Variants in ATP7B observed in about 807,000 individuals in gnomAD.
ATP7B encodes ATPase copper transporting beta.
A neutral mutation model predicts 118.9 loss-of-function variants in ATP7B; 113 were observed. The observed-to-expected ratio is 0.95, with a 90% CI of 0.82 to 1.11. The LOEUF (loss-of-function observed/expected upper bound fraction) is 1.11. Among genes scored for constraint, ATP7B ranks in the 50% most tolerant of loss-of-function variants. The pLI, the probability that ATP7B is intolerant of heterozygous loss-of-function variation, is 0.00. For synonymous variants in ATP7B, 777 were observed against 727.4 expected, an observed-to-expected ratio of 1.07 and a Z score of -1.10; for missense variants, 1,867 against 1,871.4, an observed-to-expected ratio of 1.00 and a Z score of 0.04.
At position 51,975,155 on chromosome 13, in the gene ATP7B, A is replaced by C; in HGVS notation, c.65T>G (p.Leu22Arg). The C allele has an allele frequency of 6.2e-7, 1 of 1,614,224 alleles. No homozygotes were observed. Among genetic ancestry groups the C allele is most frequent in the Non-Finnish European group, 8.5e-7 (1 of 1,180,006 alleles). The change falls in exon 2 of 21, where the codon CTT (leucine) becomes CGT (arginine). Residue 22 changes from leucine to arginine, a missense_variant. Transcript: ENST00000242839. Reference sequence around the variant, plus strand: ...TTCCCAGGCACGGGTAGGCAAAGAAAGCTTAGATAAGATCTAAAAAGAAAA... The same window carrying C: ...TTCCCAGGCACGGGTAGGCAAAGAACGCTTAGATAAGATCTAAAAAGAAAA... Reference protein sequence around the residue: ...EGASRKILSKLSLPTRAWEPA... With the variant: ...EGASRKILSKRSLPTRAWEPA...
intron 1 of ATP7B, among the ~76,000 whole-genome samples, chr13:51,989,021 G>A (rs184391051): frequency 9.9e-5 from 15 of 152,026 alleles, no homozygotes; most frequent in Admixed American, 2.0e-4. Flanking sequence ...AAACCTGCAC[G>A]TTCTGCACAT....
At chr13:51,944,461 C>T (rs1957531189) in intron 13 of ATP7B, among the ~76,000 whole-genome samples, 170 bp from the exon 14 acceptor site, 1 of 152,226 alleles carries the variant, frequency 6.6e-6, no homozygotes, top group African/African-American at 2.4e-5. Flanking sequence ...ACAACTCCCA[C>T]TGCAAAGAAA....
At chr13:52,011,509 G>C, upstream of ATP7B, 1 of 770,778 alleles carries the variant, frequency 1.3e-6, no homozygotes, top group East Asian at 2.7e-5. Flanking sequence ...CCCTTCATTT[G>C]GGACCGGGGA....
rs28942076 is a variant in ATP7B, at chr13:51,949,700, C to G, written c.2827G>C (p.Gly943Arg). The change falls in exon 12 of 21, where the codon GGT becomes CGT. Residue 943 changes from glycine to arginine, a missense_variant. Coordinates refer to ENST00000242839, the MANE Select transcript of ATP7B (RefSeq NM_000053.4). ...TLTLVVWIVI[G>R]FIDFGVVQRY... ...TGAACAACACCAAAATCGATAAAAC[C>G]GATTACAATCCATACCACCAACGTC... is the stretch of plus-strand genomic sequence containing the variant. 6.2e-7 allele frequency: 1 copy of G among 1,614,012 alleles called. No homozygotes were observed. Among genetic ancestry groups the G allele is most frequent in the Non-Finnish European group, 8.5e-7 (1 of 1,180,022 alleles).
intron 1 of ATP7B, among the ~76,000 whole-genome samples, chr13:52,009,000 G>A (rs137934922): frequency 1.1e-4 from 16 of 152,072 alleles, no homozygotes; most frequent in East Asian, 9.7e-4. Context: ...TCAGCCTCCC[G>A]AGTAGCTGGT....
chr13:52,004,276 AGCAGGATTATCCTT>A (rs1953672013), intron 1 of ATP7B, among the ~76,000 whole-genome samples: 1 of 152,178 alleles, frequency 6.6e-6, no homozygotes. Context: ...AAAAAGAGAG[AGCAGGATTATCCTT>A]GCCTTTCCCT....
In ATP7B at chr13:51,933,778, G is replaced by A. The variant is rs768344362; in HGVS notation, c.*978C>T. 2.0e-5 allele frequency: 3 copies of A among 152,140 alleles called. No individual in the cohort carries two copies. Among genetic ancestry groups the A allele is most frequent in the Non-Finnish European group, 2.9e-5 (2 of 68,064 alleles). The allele number at this position is 152,140 out of a possible 1,614,324, so 9.4% of individuals were successfully genotyped here. On this transcript the variant is annotated 3_prime_UTR_variant, in exon 21 of 21. Transcript: ENST00000242839. ...AGGTGACAGTCAGAAGACTGAAAACGAAGCCCCTTGGGCCGTGCAGGGAGG... is the reference window on the plus strand; with the variant it reads ...AGGTGACAGTCAGAAGACTGAAAACAAAGCCCCTTGGGCCGTGCAGGGAGG...
In ATP7B at chr13:51,958,567, G is replaced by C. The variant is rs749787894; in HGVS notation, c.2122-23C>G. Reference sequence around the variant, plus strand: ...GAGCTGAAAGACAAGGACAGTGAAGGCTGCCAGCAAGTAGGGAGGAGAGTT... The same window carrying C: ...GAGCTGAAAGACAAGGACAGTGAAGCCTGCCAGCAAGTAGGGAGGAGAGTT... On this transcript the variant is annotated intron_variant, in intron 7 of 20. Transcript: ENST00000242839. 179 of 1,604,884 alleles carry C rather than the reference G, an allele frequency of 1.1e-4. No individual in the cohort carries two copies. The highest frequency in any genetic ancestry group is 1.6e-4 in the Middle Eastern group (1 of 6,064).
intron 8 of ATP7B, 156 bp downstream of exon 8, chr13:51,958,155 T>C (rs188566058): frequency 4.9e-6 from 4 of 814,938 alleles, no homozygotes; most frequent in East Asian, 2.7e-5. Context: ...ATTTGGAGAT[T>C]AGTGACTAGA....
At chr13:51,956,609 C>G (rs1257318107) in intron 9 of ATP7B, among the ~76,000 whole-genome samples, 1 of 152,134 alleles carries the variant, frequency 6.6e-6, no homozygotes, top group African/African-American at 2.4e-5. Flanking sequence ...GGCTGAGGGA[C>G]AGGGAACTGG....
At chr13:51,945,215 G>A (rs1435819135) in intron 13 of ATP7B, among the ~76,000 whole-genome samples, 19 of 152,076 alleles carry the variant, frequency 1.2e-4, no homozygotes, top group Admixed American at 1.2e-3. Context: ...CATCCCCTAC[G>A]TGGCTTCTAG....
chr13:51,942,252 G>T, intron 15 of ATP7B, 134 bp downstream of exon 15: 2 of 1,355,424 alleles, frequency 1.5e-6, no homozygotes, highest in East Asian at 2.3e-5. Context: ...CCTGGGTGTG[G>T]GGAGGCAGGC....
At chr13:51,968,863 CTT>C (rs201291586) in intron 3 of ATP7B, among the ~76,000 whole-genome samples, 71 of 128,626 alleles carry the variant, frequency 5.5e-4, no homozygotes, top group East Asian at 9.2e-4. Flanking sequence ...TTTCTTTTTT[CTT>C]TTTTTTTTTT....
chr13:51,937,523 T>C lies in ATP7B; in HGVS notation c.3856A>G (p.Thr1286Ala). The stretch of plus-strand genomic sequence containing the variant: ...GCCTCGATGGCCACATCCGTGCCGG[T>C]GCCAATGGCCACACCCATGTCTGCC... ...AQADMGVAIG[T>A]GTDVAIEAAD... is the part of the protein sequence containing the mutation. Residue 1286 changes from threonine to alanine, a missense_variant, in exon 18 of 21, where the codon ACC becomes GCC. Thr to Ala is a moderately conservative substitution (Grantham distance 58). Coordinates refer to ENST00000242839, the MANE Select transcript of ATP7B (RefSeq NM_000053.4). The C allele has an allele frequency of 6.2e-7, 1 of 1,614,204 alleles. No individual in the cohort carries two copies. Among genetic ancestry groups the C allele is most frequent in the Non-Finnish European group, 8.5e-7 (1 of 1,180,036 alleles).
upstream of ATP7B, chr13:52,011,515 G>T: frequency 1.3e-6 from 1 of 744,632 alleles, no homozygotes; most frequent in South Asian, 1.5e-5. Flanking sequence ...ATTTGGGACC[G>T]GGGAAGCCGC....
chr13:51,951,021 A>G (rs2139262468), intron 9 of ATP7B, among the ~76,000 whole-genome samples: 1 of 152,172 alleles, frequency 6.6e-6, no homozygotes, highest in Middle Eastern at 3.4e-3. Flanking sequence ...TTTTGGATGT[A>G]AGGCTTTTAG....
At chr13:52,006,985 T>C (rs1307797120) in intron 1 of ATP7B, among the ~76,000 whole-genome samples, 2 of 151,926 alleles carry the variant, frequency 1.3e-5, no homozygotes, top group Non-Finnish European at 2.9e-5. Flanking sequence ...TGCATCCCCC[T>C]GCTTGGCCCA....
upstream of ATP7B, among the ~76,000 whole-genome samples, chr13:52,011,739 GGGCGGAGGCCTGTCCT>G (rs1954046034): frequency 6.6e-6 from 1 of 152,254 alleles, no homozygotes; most frequent in African/African-American, 2.4e-5. Flanking sequence ...CGGCGCCGCA[GGGCGGAGGCCTGTCCT>G]CCTCCGCGGT....
chr13:51,949,881 A>C (rs1298211307), intron 11 of ATP7B, 85 bp from the exon 12 acceptor site: 34 of 1,607,686 alleles, frequency 2.1e-5, no homozygotes, highest in Non-Finnish European at 2.1e-5. Flanking sequence ...GATTGGGATA[A>C]TCTCCTTCAT....
Sources: allele counts gnomAD v4.1 joint callset (sites outside exome capture counted in the v4.1 genomes callset), GRCh38; gene constraint gnomAD v4.1.1; transcripts MANE v1.5; gene names NCBI Gene and HGNC (gene_info 2026-07-23, HGNC 2026-07-21).